Variants in SRP54 observed in about 807,000 individuals in gnomAD.
SRP54 encodes signal recognition particle subunit SRP54.
Under a neutral mutation model 64.8 loss-of-function variants are expected in SRP54, and 10 were observed. The ratio of observed to expected loss-of-function variants is 0.15; its 90% CI spans 0.10 to 0.26. The LOEUF is 0.26. Ranked by LOEUF, SRP54 falls within the 10% of genes least tolerant of loss-of-function variation. The probability of loss-of-function intolerance (pLI) is 1.00; values close to 1 mark genes in which losing one functional copy is unlikely to be tolerated. For missense variants in SRP54, 325 were observed against 613.7 expected (o/e 0.53, Z 4.97); for synonymous variants, 193 against 185.6 (o/e 1.04, Z -0.32).
chr14:34,985,768 C>T (rs2043885664), intron 1 of SRP54, among the ~76,000 whole-genome samples: 1 of 152,182 alleles, frequency 6.6e-6, no homozygotes, highest in Admixed American at 6.5e-5. Flanking sequence ...TCTTGTTTTG[C>T]ACTCCAGATT....
intron 4 of SRP54, among the ~76,000 whole-genome samples, chr14:35,005,884 G>T (rs2138993029): frequency 6.6e-6 from 1 of 152,166 alleles, no homozygotes; most frequent in East Asian, 1.9e-4. Context: ...CTGTCACCCA[G>T]GCTGGAGTGC....
chr14:35,016,559 T>G (rs941803221), intron 11 of SRP54, among the ~76,000 whole-genome samples: 1 of 152,236 alleles, frequency 6.6e-6, no homozygotes, highest in Admixed American at 6.5e-5. Flanking sequence ...AGATTTCTCC[T>G]TAAATGTCCT....
chr14:35,001,388 C>A (rs1486978780), intron 4 of SRP54, among the ~76,000 whole-genome samples: 8 of 151,968 alleles, frequency 5.3e-5, no homozygotes, highest in South Asian at 2.1e-4. Context: ...TGACCTCAGG[C>A]GATCCGCCCG....
chr14:35,013,805 C>G lies in SRP54; in HGVS notation c.789C>G (p.Val263=). 6.2e-7 allele frequency: 1 copy of G among 1,604,366 alleles called. No individual in the cohort carries two copies. Among genetic ancestry groups the G allele is most frequent in the Non-Finnish European group, 8.5e-7 (1 of 1,176,752 alleles). The change falls in exon 10 of 16, where the codon GTC becomes GTG. Residue 263 remains valine (V), a synonymous_variant. Coordinates refer to ENST00000216774, the MANE Select transcript of SRP54 (RefSeq NM_003136.4). ...HAKGGGALSA[V]AATKSPIIFI... is the part of the protein sequence containing the mutation. The stretch of plus-strand genomic sequence containing the variant: ...TATATTTTCTTTTTTTTTCCAGAGT[C>G]GCTGCCACAAAAAGTCCGATTATTT...
At chr14:35,014,698 C>A (rs757510627) in intron 10 of SRP54, 46 bp from the exon 11 acceptor site, 2 of 1,386,718 alleles carry the variant, frequency 1.4e-6, no homozygotes, top group Admixed American at 1.7e-5. Context: ...TAATGTGAAG[C>A]AGGGTATAGT....
At chr14:34,997,085 A>G (rs1279833704) in intron 2 of SRP54, among the ~76,000 whole-genome samples, 4 of 152,078 alleles carry the variant, frequency 2.6e-5, no homozygotes. Context: ...CTGGAACTGT[A>G]CTTTTGTTTT....
At chr14:35,028,780 T>G (rs2044675349) in intron 15 of SRP54, among the ~76,000 whole-genome samples, 1 of 152,204 alleles carries the variant, frequency 6.6e-6, no homozygotes. Flanking sequence ...TTTGTTTAGA[T>G]TTATTGACTA....
chr14:35,027,339 C>G (rs2044647789), intron 14 of SRP54, among the ~76,000 whole-genome samples: 1 of 152,126 alleles, frequency 6.6e-6, no homozygotes. Context: ...CCAACAGACT[C>G]ATACTTTCAT....
intron 1 of SRP54, among the ~76,000 whole-genome samples, chr14:34,988,019 A>G (rs1367050628): frequency 2.0e-5 from 3 of 152,192 alleles, no homozygotes; most frequent in Admixed American, 2.0e-4. Flanking sequence ...CCTAGAAAAT[A>G]CAATCCATAT....
chr14:35,001,895 G>C (rs2044179183), intron 4 of SRP54, among the ~76,000 whole-genome samples: 1 of 151,996 alleles, frequency 6.6e-6, no homozygotes, highest in Non-Finnish European at 1.5e-5. Flanking sequence ...AAAAAAGAAA[G>C]GAGCTGTTAA....
intron 8 of SRP54, among the ~76,000 whole-genome samples, chr14:35,012,569 C>T (rs1290324640): frequency 6.6e-6 from 1 of 152,138 alleles, no homozygotes; most frequent in Non-Finnish European, 1.5e-5. Context: ...TCAGTATACA[C>T]TCTTCTACTT....
intron 7 of SRP54, among the ~76,000 whole-genome samples, chr14:35,009,969 G>A (rs1449388337): frequency 6.6e-6 from 1 of 151,994 alleles, no homozygotes; most frequent in Non-Finnish European, 1.5e-5. Context: ...CCAACACAGT[G>A]AAACCCTGTC....
intron 9 of SRP54, 55 bp downstream of exon 9, chr14:35,013,549 T>C (rs1238707716): frequency 4.0e-5 from 62 of 1,538,260 alleles, no homozygotes; most frequent in Non-Finnish European, 4.9e-5. Flanking sequence ...GGGAAGGATA[T>C]GTGTTTATAG....
chr14:34,989,064 G>A (rs1483983107), intron 1 of SRP54, among the ~76,000 whole-genome samples: 1 of 152,106 alleles, frequency 6.6e-6, no homozygotes, highest in Non-Finnish European at 1.5e-5. Context: ...TTTTCTGAAT[G>A]TTTTGATTTG....
intron 14 of SRP54, among the ~76,000 whole-genome samples, chr14:35,027,026 C>A (rs1022267922): frequency 1.5e-5 from 2 of 135,060 alleles, no homozygotes; most frequent in Non-Finnish European, 3.1e-5. Flanking sequence ...TTTCTACTTT[C>A]TTTTTTTTTT....
In SRP54 at chr14:34,999,615, A is replaced by G; in HGVS notation, c.136A>G (p.Ile46Val). ...CGCTTTGTTGGAAGCAGATGTTAAT[A>G]TTAAACTAGTGAAGCAACTAAGAGA... The part of the protein sequence containing the change: ...CTALLEADVN[I>V]KLVKQLRENV... Residue 46 changes from isoleucine to valine, a missense_variant, in exon 3 of 16, where the codon ATT becomes GTT. Transcript: ENST00000216774. The G allele has an allele frequency of 1.2e-6, 2 of 1,613,458 alleles. No homozygotes were observed. Among genetic ancestry groups the G allele is most frequent in the Non-Finnish European group, 8.5e-7 (1 of 1,179,520 alleles).
intron 1 of SRP54, among the ~76,000 whole-genome samples, chr14:34,984,614 G>T (rs958126972): frequency 6.6e-6 from 1 of 152,126 alleles, no homozygotes; most frequent in Non-Finnish European, 1.5e-5. Context: ...CAATTCTCCT[G>T]CCTCAGCCTT....
chr14:35,008,885 T>A, intron 7 of SRP54, 54 bp downstream of exon 7: 2 of 185,216 alleles, frequency 1.1e-5, no homozygotes, highest in Non-Finnish European at 1.6e-5. Flanking sequence ...GTCTGTCAGC[T>A]TTTTTTTTTT....
At chr14:35,000,834 T>C in intron 3 of SRP54, 102 bp from the exon 4 acceptor site, 1 of 510,098 alleles carries the variant, frequency 2.0e-6, no homozygotes, top group South Asian at 4.4e-5. Context: ...TTAATATGAA[T>C]GACTGAATGT....
Sources: gnomAD v4.1 joint callset for allele counts (sites outside exome capture counted in the v4.1 genomes callset) on GRCh38, gnomAD v4.1.1 for gene constraint, MANE v1.5 for transcripts, NCBI Gene and HGNC (gene_info 2026-07-23, HGNC 2026-07-21) for gene names.